The following NAALADL2 variants were observed in gnomAD, a reference collection of about 807,000 sequenced individuals.
The protein encoded by NAALADL2 is inactive N-acetylated-alpha-linked acidic dipeptidase-like protein 2.
In NAALADL2, 76 loss-of-function variants were observed where a neutral mutation model predicts 87.2. That is an observed-to-expected ratio of 0.87 (90% CI 0.72 to 1.05). NAALADL2 has a LOEUF of 1.05. NAALADL2 is among the 50% of genes least tolerant of loss of function. The pLI, the probability that NAALADL2 is intolerant of heterozygous loss-of-function variation, is 0.00. For missense variants in NAALADL2, 1,089 were observed against 945.8 expected (o/e 1.15, Z -1.99); for synonymous variants, 354 against 331.0 (o/e 1.07, Z -0.75).
chr3:175,567,210 G>A (rs539094016), intron 9 of NAALADL2, among the ~76,000 whole-genome samples: 2 of 152,250 alleles, frequency 1.3e-5, no homozygotes, highest in African/African-American at 4.8e-5. Flanking sequence ...AGTGGAGAGA[G>A]AAAAAATGAA....
chr3:175,592,302 C>CTTTTT (rs1560815929), intron 10 of NAALADL2, among the ~76,000 whole-genome samples: 3 of 140,434 alleles, frequency 2.1e-5, no homozygotes, highest in African/African-American at 8.3e-5. Flanking sequence ...TTTTCTTTTT[C>CTTTTT]TTTTCTTTTT....
chr3:175,231,630 A>G (rs904204984), intron 2 of NAALADL2, among the ~76,000 whole-genome samples: 7 of 152,096 alleles, frequency 4.6e-5, no homozygotes, highest in African/African-American at 1.4e-4. Flanking sequence ...CAACAAAAGG[A>G]ATGGCAGATT....
chr3:175,526,108 G>C (rs1733379514), intron 9 of NAALADL2, among the ~76,000 whole-genome samples: 1 of 152,126 alleles, frequency 6.6e-6, no homozygotes, highest in African/African-American at 2.4e-5. Flanking sequence ...TTAAAAATGA[G>C]GACAGTCTTG....
At chr3:174,933,246 G>A (rs1391613207) in intron 1 of NAALADL2, among the ~76,000 whole-genome samples, 1 of 152,188 alleles carries the variant, frequency 6.6e-6, no homozygotes, top group African/African-American at 2.4e-5. Flanking sequence ...AGAGGGAATT[G>A]CTTGGAACTT....
At chr3:175,752,714 T>A (rs1332377198) in intron 12 of NAALADL2, among the ~76,000 whole-genome samples, 1 of 152,158 alleles carries the variant, frequency 6.6e-6, no homozygotes, top group African/African-American at 2.4e-5. Flanking sequence ...TGTACTACCA[T>A]GAAAGATAAA....
At chr3:174,709,979 A>G (rs976358697) in intron 2 of NAALADL2, among the ~76,000 whole-genome samples, 1 of 152,210 alleles carries the variant, frequency 6.6e-6, no homozygotes, top group African/African-American at 2.4e-5. Context: ...TTTGTTTATA[A>G]ATAGCAGAGA....
At chr3:175,673,199 T>C (rs1462930471) in intron 11 of NAALADL2, among the ~76,000 whole-genome samples, 1 of 152,188 alleles carries the variant, frequency 6.6e-6, no homozygotes, top group Non-Finnish European at 1.5e-5. Flanking sequence ...ATTTATATCC[T>C]CTCTTGTGAG....
chr3:175,677,341 A>G lies in NAALADL2; in HGVS notation c.1896+49955A>G, dbSNP rs1239132111. Among the ~76,000 whole-genome samples the G allele has an allele frequency of 2.0e-5, 3 of 152,080 alleles. No individual in the cohort carries two copies. In the East Asian group the frequency reaches 5.8e-4, roughly 29 times the overall value. ...TCGTGCCCTTGCACTCCAGCCTGGC[A>G]ACAGAGTGAGACTCTGTCAAAAAAA... On this transcript the variant is annotated intron_variant, in intron 11 of 13. Transcript: ENST00000454872.
intron 3 of NAALADL2, among the ~76,000 whole-genome samples, chr3:174,817,971 C>G (rs775537581): frequency 4.6e-5 from 7 of 152,128 alleles, no homozygotes; most frequent in Non-Finnish European, 1.0e-4. Context: ...TATGAACTTC[C>G]CACAGAAAAT....
intron 1 of NAALADL2, among the ~76,000 whole-genome samples, chr3:174,463,349 C>T (rs11720995): frequency 0.46 from 69,450 of 151,890 alleles, 17,316 homozygotes; most frequent in East Asian, 0.92. Flanking sequence ...GATAAAAGAA[C>T]CATGAAAAAT....
chr3:175,623,058 A>G (rs1726446144), intron 10 of NAALADL2, among the ~76,000 whole-genome samples: 1 of 152,062 alleles, frequency 6.6e-6, no homozygotes, highest in African/African-American at 2.4e-5. Flanking sequence ...CTTAATTAAA[A>G]CTGACCTAAA....
intron 11 of NAALADL2, among the ~76,000 whole-genome samples, chr3:175,643,774 G>A (rs1729606393): frequency 6.6e-6 from 1 of 152,150 alleles, no homozygotes; most frequent in African/African-American, 2.4e-5. Flanking sequence ...ATTTCTTGAA[G>A]CAAACAGTGA....
At chr3:174,631,315 G>A (rs576184712) in intron 2 of NAALADL2, among the ~76,000 whole-genome samples, 1 of 152,286 alleles carries the variant, frequency 6.6e-6, no homozygotes, top group South Asian at 2.1e-4. Context: ...TGTAGTCTAT[G>A]TGAGTGGTGG....
chr3:175,584,952 T>G (rs6806497), intron 10 of NAALADL2, among the ~76,000 whole-genome samples: 16,629 of 152,032 alleles, frequency 0.11, 2,232 homozygotes, highest in African/African-American at 0.32. Context: ...TACACTAAAT[T>G]TATTTTAAAA....
chr3:174,949,561 C>T (rs1486426866), intron 1 of NAALADL2, among the ~76,000 whole-genome samples: 2 of 152,160 alleles, frequency 1.3e-5, no homozygotes, highest in Non-Finnish European at 2.9e-5. Context: ...ATATTTCACA[C>T]TACATTGACT....
At chr3:175,761,717 T>C (rs972715931) in intron 13 of NAALADL2, among the ~76,000 whole-genome samples, 5 of 152,196 alleles carry the variant, frequency 3.3e-5, no homozygotes, top group Non-Finnish European at 7.4e-5. Flanking sequence ...TGGTATTTCA[T>C]TGTTGTTTGA....
intron 2 of NAALADL2, among the ~76,000 whole-genome samples, chr3:174,732,221 T>C (rs1732771134): frequency 1.3e-5 from 2 of 152,152 alleles, no homozygotes; most frequent in Admixed American, 1.3e-4. Flanking sequence ...TTTTTGACTC[T>C]CTTTAGGAGA....
intron 1 of NAALADL2, among the ~76,000 whole-genome samples, chr3:175,043,441 A>C (rs1754318319): frequency 6.6e-6 from 1 of 151,952 alleles, no homozygotes; most frequent in Non-Finnish European, 1.5e-5. Flanking sequence ...ATTTTATCAC[A>C]TTTGTCAGGC....
intron 11 of NAALADL2, 118 bp downstream of exon 11, chr3:175,627,504 A>G (rs1485603115): frequency 1.1e-5 from 7 of 646,730 alleles, no homozygotes; most frequent in African/African-American, 5.6e-5. Flanking sequence ...TGTAGAATAT[A>G]TAAGAAAGGA....
Sources: gnomAD v4.1 joint callset for allele counts (sites outside exome capture counted in the v4.1 genomes callset) on GRCh38, gnomAD v4.1.1 for gene constraint, MANE v1.5 for transcripts, NCBI Gene and HGNC (gene_info 2026-07-23, HGNC 2026-07-21) for gene names.